The following CEACAM20 variants were observed in gnomAD, a reference collection of about 807,000 sequenced individuals.
The protein encoded by CEACAM20 is cell adhesion molecule CEACAM20.
Under a neutral mutation model 61.2 loss-of-function variants are expected in CEACAM20, and 50 were observed. The observed-to-expected ratio is 0.82, with a 90% CI of 0.65 to 1.03. The LOEUF (loss-of-function observed/expected upper bound fraction) is 1.03. Among genes scored for constraint, CEACAM20 ranks in the 50% least tolerant of loss-of-function variants. CEACAM20 has a pLI of 0.00. For missense variants in CEACAM20, 683 were observed against 736.4 expected, an observed-to-expected ratio of 0.93 and a Z score of 0.84; for synonymous variants, 282 against 287.7, an observed-to-expected ratio of 0.98 and a Z score of 0.20.
chr19:44,525,300 G>A (rs561726075), intron 1 of CEACAM20, 56 bp from the exon 2 acceptor site: 75 of 1,498,938 alleles, frequency 5.0e-5, no homozygotes, highest in African/African-American at 1.3e-4. Flanking sequence ...GGGGTTGCCC[G>A]GCTAAGGTCT....
chr19:44,510,386 G>T lies in CEACAM20; in HGVS notation c.1737+644C>A, dbSNP rs76235418. ...AAATTAGCTGGGTGTGATGGCTCGTGCCTGCAGTCCTAGCTACTCGGGAAG... is the reference window on the plus strand; with the variant it reads ...AAATTAGCTGGGTGTGATGGCTCGTTCCTGCAGTCCTAGCTACTCGGGAAG... On this transcript the variant is annotated intron_variant, in intron 11 of 11. Coordinates refer to ENST00000614924, the MANE Select transcript of CEACAM20 (RefSeq NM_001102597.3). 2.6e-3 allele frequency among the ~76,000 whole-genome samples: 397 copies of T among 151,890 alleles called. 1 individual carries two copies. The highest frequency in any genetic ancestry group is 8.9e-3 in the African/African-American group (370 of 41,386).
intron 11 of CEACAM20, among the ~76,000 whole-genome samples, chr19:44,508,345 A>G (rs1447217752): frequency 2.0e-5 from 3 of 152,200 alleles, no homozygotes; most frequent in Non-Finnish European, 4.4e-5. Flanking sequence ...TAAACTTGTT[A>G]CTGGAATTTT....
chr19:44,523,664 G>C (rs959194010), intron 3 of CEACAM20, among the ~76,000 whole-genome samples: 4 of 151,934 alleles, frequency 2.6e-5, no homozygotes, highest in African/African-American at 9.7e-5. Flanking sequence ...CAATCCTCTT[G>C]CCTCAGCCTC....
At position 44,525,254 on chromosome 19, in the gene CEACAM20, G is replaced by A. The variant is rs754054298; in HGVS notation, c.53-10C>T. On this transcript the variant is annotated splice_polypyrimidine_tract_variant and intron_variant, in intron 1 of 11. Coordinates refer to ENST00000614924, the MANE Select transcript of CEACAM20 (RefSeq NM_001102597.3). The stretch of plus-strand genomic sequence containing the variant: ...ACGGTACAAAGCGAGGCTACAAGGG[G>A]AGAGAGGAGGCATTCAGGGAGGGAG... 6.9e-5 allele frequency: 108 copies of A among 1,565,128 alleles called. No individual in the cohort carries two copies. Among genetic ancestry groups the A allele is most frequent in the Non-Finnish European group, 8.7e-5 (101 of 1,158,632 alleles).
chr19:44,507,886 C>T (rs1023461049), intron 11 of CEACAM20, among the ~76,000 whole-genome samples: 1 of 152,134 alleles, frequency 6.6e-6, no homozygotes, highest in Non-Finnish European at 1.5e-5. Context: ...AAGAGCAATA[C>T]GTTGTCTCAA....
intron 3 of CEACAM20, 51 bp from the exon 4 acceptor site, chr19:44,522,963 C>G: frequency 6.7e-7 from 1 of 1,487,514 alleles, no homozygotes; most frequent in Non-Finnish European, 9.2e-7. Flanking sequence ...AGCAACAGGT[C>G]TCTTATGGAG....
intron 5 of CEACAM20, among the ~76,000 whole-genome samples, chr19:44,518,497 G>A (rs1971260884): frequency 2.0e-5 from 3 of 152,068 alleles, no homozygotes; most frequent in South Asian, 2.1e-4. Flanking sequence ...CCAGCACTTT[G>A]GGAGGCTGAG....
At chr19:44,515,061 C>T (rs1971115715) in intron 6 of CEACAM20, among the ~76,000 whole-genome samples, 1 of 152,150 alleles carries the variant, frequency 6.6e-6, no homozygotes, top group African/African-American at 2.4e-5. Flanking sequence ...TGGTCTTCAA[C>T]TCCTGACCAT....
intron 9 of CEACAM20, 80 bp from the exon 10 acceptor site, chr19:44,511,752 G>T (rs1971007253): frequency 2.8e-6 from 4 of 1,419,406 alleles, no homozygotes; most frequent in Non-Finnish European, 3.9e-6. Flanking sequence ...AATAGCTTTG[G>T]CCTCAGAGGC....
chr19:44,510,544 G>GA (rs1970943555), intron 11 of CEACAM20, among the ~76,000 whole-genome samples: 2 of 51,942 alleles, frequency 3.9e-5, no homozygotes, highest in Non-Finnish European at 8.1e-5. Flanking sequence ...AGGAAGGAAG[G>GA]AAGGAAAGAA....
rs1357729797 is a variant in CEACAM20, at chr19:44,525,179, C to T, written c.118G>A (p.Asp40Asn). Residue 40 changes from aspartate to asparagine, a missense_variant, in exon 2 of 12, where the codon GAT becomes AAT. Physicochemically the swap from Asp to Asn is conservative, Grantham distance 23. Coordinates refer to ENST00000614924, the MANE Select transcript of CEACAM20 (RefSeq NM_001102597.3). ...AQLTLNANPL[D>N]ATQSEDVVLP... ...ACAACATCCTCACTTTGGGTGGCAT[C>T]AAGTGGGTTGGCATTGAGGGTGAGC... is the stretch of plus-strand genomic sequence containing the variant. The T allele has an allele frequency of 6.2e-7, 1 of 1,610,210 alleles. No individual in the cohort carries two copies. Among genetic ancestry groups the T allele is most frequent in the Admixed American group, 1.7e-5 (1 of 59,540 alleles).
At chr19:44,509,215 G>A (rs534980661) in intron 11 of CEACAM20, among the ~76,000 whole-genome samples, 42 of 151,988 alleles carry the variant, frequency 2.8e-4, no homozygotes, top group African/African-American at 9.9e-4. Flanking sequence ...GTAACAGAAA[G>A]AAAGAAATAA....
chr19:44,529,546 T>A lies in CEACAM20; in HGVS notation c.-37A>T. 6.2e-7 allele frequency: 1 copy of A among 1,608,198 alleles called. No homozygotes were observed. Among genetic ancestry groups the A allele is most frequent in the East Asian group, 2.2e-5 (1 of 44,822 alleles). ...CCTGACTTCAGTGTGCCAGGCCGTC[T>A]GTCGCCCCGGCTTGCACACACAGAT... On this transcript the variant is annotated 5_prime_UTR_variant, in exon 1 of 12. Transcript: ENST00000614924.
At chr19:44,514,883 T>G (rs993937847) in intron 6 of CEACAM20, among the ~76,000 whole-genome samples, 1 of 152,200 alleles carries the variant, frequency 6.6e-6, no homozygotes, top group East Asian at 1.9e-4. Context: ...TGGCACGATC[T>G]TGGCTCACTG....
In CEACAM20 at chr19:44,525,143, A is replaced by G; in HGVS notation, c.154T>C (p.Phe52Leu). 1 of 1,610,830 alleles carries G rather than the reference A, an allele frequency of 6.2e-7. No homozygotes were observed. The highest frequency in any genetic ancestry group is 8.5e-7 in the Non-Finnish European group (1 of 1,178,676). ...TQSEDVVLPV[F>L]GTPRTPQIHG... ...ATCTGGGGTGTCCTGGGGGTCCCAA[A>G]CACAGGCAGAACAACATCCTCACTT... Residue 52 changes from phenylalanine (F) to leucine (L), a missense_variant, in exon 2 of 12, where the codon TTT becomes CTT. By Grantham distance (22) the Phe-to-Leu change is conservative. Coordinates refer to ENST00000614924, the MANE Select transcript of CEACAM20 (RefSeq NM_001102597.3).
chr19:44,529,283 CTGTCTT>C (rs1971636700), intron 1 of CEACAM20, among the ~76,000 whole-genome samples, 169 bp downstream of exon 1: 1 of 151,616 alleles, frequency 6.6e-6, no homozygotes, highest in Non-Finnish European at 1.5e-5. Context: ...ATATCTGTAT[CTGTCTT>C]TATTTCTGTC....
chr19:44,518,081 G>GGAAAGAAAGAAA (rs1215153815), intron 5 of CEACAM20, among the ~76,000 whole-genome samples: 5 of 106,010 alleles, frequency 4.7e-5, no homozygotes, highest in African/African-American at 2.5e-4. Context: ...AAAGGAAAGA[G>GGAAAGAAAGAAA]GAAAGAAAGA....
At chr19:44,528,856 A>G (rs1250028781) in intron 1 of CEACAM20, among the ~76,000 whole-genome samples, 4 of 151,478 alleles carry the variant, frequency 2.6e-5, no homozygotes, top group African/African-American at 7.3e-5. Context: ...CACCACTGAC[A>G]AATATACATA....
At chr19:44,518,223 A>C (rs1252860224) in intron 5 of CEACAM20, among the ~76,000 whole-genome samples, 1 of 109,788 alleles carries the variant, frequency 9.1e-6, no homozygotes, top group Admixed American at 9.3e-5. Flanking sequence ...GGAAGGAGAG[A>C]GAGAGAGAGA....
Sources: gnomAD v4.1 joint callset for allele counts (sites outside exome capture counted in the v4.1 genomes callset) on GRCh38, gnomAD v4.1.1 for gene constraint, MANE v1.5 for transcripts, NCBI Gene and HGNC (gene_info 2026-07-23, HGNC 2026-07-21) for gene names.